The following MAML2 variants were observed in gnomAD, a reference collection of about 807,000 sequenced individuals.
MAML2 encodes the protein mastermind-like protein 2.
A neutral mutation model predicts 96.1 loss-of-function variants in MAML2; 22 were observed. That is an observed-to-expected ratio of 0.23 (90% CI 0.16 to 0.33). The LOEUF (loss-of-function observed/expected upper bound fraction) is 0.33. Ranked by LOEUF, MAML2 falls within the 10% of genes least tolerant of loss-of-function variation. MAML2 has a pLI of 1.00. For missense variants in MAML2, 1,367 were observed against 1,392.4 expected (o/e 0.98, Z 0.29); for synonymous variants, 561 against 521.3 (o/e 1.08, Z -1.04).
intron 1 of MAML2, among the ~76,000 whole-genome samples, chr11:96,267,004 A>C (rs1189090671): frequency 6.6e-6 from 1 of 152,212 alleles, no homozygotes; most frequent in Non-Finnish European, 1.5e-5. Context: ...TTTTTAAGAG[A>C]GTGAATGAAA....
intron 1 of MAML2, among the ~76,000 whole-genome samples, chr11:96,297,322 C>T (rs1345029330): frequency 6.6e-6 from 1 of 152,108 alleles, no homozygotes; most frequent in Non-Finnish European, 1.5e-5. Context: ...TGCCTATAAT[C>T]CCAGCACTTT....
chr11:96,088,496 G>A (rs1052207673), intron 2 of MAML2, among the ~76,000 whole-genome samples: 7 of 152,184 alleles, frequency 4.6e-5, no homozygotes, highest in African/African-American at 1.7e-4. Context: ...CTGACTTGAA[G>A]ATAAATCAGA....
chr11:96,078,328 T>C (rs1859476168), intron 2 of MAML2, among the ~76,000 whole-genome samples: 2 of 152,258 alleles, frequency 1.3e-5, no homozygotes, highest in South Asian at 2.1e-4. Context: ...GATAGTACAC[T>C]GTGTTATCAT....
intron 2 of MAML2, among the ~76,000 whole-genome samples, chr11:96,018,277 G>C (rs78512725): frequency 1.0e-3 from 159 of 152,290 alleles, no homozygotes; most frequent in African/African-American, 3.8e-3. Flanking sequence ...TGTCAAGTTT[G>C]AGATGCTTAT....
chr11:96,012,815 C>T (rs1378604894), intron 2 of MAML2, among the ~76,000 whole-genome samples: 1 of 152,182 alleles, frequency 6.6e-6, no homozygotes, highest in Non-Finnish European at 1.5e-5. Context: ...TGTCAAAGCA[C>T]CATGCTTTGA....
intron 2 of MAML2, among the ~76,000 whole-genome samples, chr11:96,047,835 C>G (rs1314817929): frequency 7.0e-6 from 1 of 143,170 alleles, no homozygotes; most frequent in Admixed American, 7.6e-5. Context: ...TCGTTTGAAC[C>G]CAGGAGGCGG....
intron 2 of MAML2, among the ~76,000 whole-genome samples, chr11:96,074,706 T>C (rs996021316): frequency 1.3e-5 from 2 of 152,236 alleles, no homozygotes; most frequent in Admixed American, 6.5e-5. Flanking sequence ...AACGTCATCA[T>C]ACAAAAAAGG....
intron 1 of MAML2, among the ~76,000 whole-genome samples, chr11:96,245,675 C>T (rs1270018888): frequency 6.7e-6 from 1 of 149,508 alleles, no homozygotes; most frequent in Non-Finnish European, 1.5e-5. Flanking sequence ...CAAGCTATTT[C>T]TATGTTCACC....
intron 2 of MAML2, among the ~76,000 whole-genome samples, chr11:96,013,963 A>C (rs1858304460): frequency 6.6e-6 from 1 of 152,208 alleles, no homozygotes; most frequent in Non-Finnish European, 1.5e-5. Context: ...AACACAAGCC[A>C]CCTATAGACA....
At chr11:96,229,451 T>A (rs1174352622) in intron 1 of MAML2, among the ~76,000 whole-genome samples, 1 of 150,648 alleles carries the variant, frequency 6.6e-6, no homozygotes, top group African/African-American at 2.5e-5. Flanking sequence ...GCCCTCTGAA[T>A]CTCCACTCTC....
rs934504678 is a variant in MAML2, at chr11:96,093,169, T to C, written c.862A>G (p.Ile288Val). The change falls in exon 2 of 5, where the codon ATT (isoleucine) becomes GTT (valine). Residue 288 changes from isoleucine to valine, a missense_variant. By Grantham distance (29) the Ile-to-Val change is conservative (BLOSUM62 3). Transcript: ENST00000524717. ...TCGTCTCCGTACCTATTAGGAAAAA[T>C]ATTCTCTTGGGTCATTTGGCCATCC... The part of the protein sequence containing the change: ...HMDGQMTQEN[I>V]FPNRYGDDPG... The C allele has an allele frequency of 6.2e-7, 1 of 1,613,870 alleles. No individual in the cohort carries two copies. Among genetic ancestry groups the C allele is most frequent in the African/African-American group, 1.3e-5 (1 of 74,904 alleles).
chr11:96,278,722 C>T (rs1020786741), intron 1 of MAML2, among the ~76,000 whole-genome samples: 17 of 152,188 alleles, frequency 1.1e-4, no homozygotes, highest in African/African-American at 4.1e-4. Context: ...CTTTACCTTT[C>T]TAGGGCTGCC....
At chr11:96,243,325 G>C (rs1030081366) in intron 1 of MAML2, among the ~76,000 whole-genome samples, 1 of 152,152 alleles carries the variant, frequency 6.6e-6, no homozygotes, top group African/African-American at 2.4e-5. Context: ...AGGAGGCGGG[G>C]GAGGCGGGGT....
At chr11:96,238,127 G>A (rs1862389339) in intron 1 of MAML2, among the ~76,000 whole-genome samples, 1 of 152,206 alleles carries the variant, frequency 6.6e-6, no homozygotes, top group South Asian at 2.1e-4. Flanking sequence ...CTCAGGACAA[G>A]CAATTAGTAC....
At chr11:96,025,442 T>C (rs925543962) in intron 2 of MAML2, among the ~76,000 whole-genome samples, 3 of 152,160 alleles carry the variant, frequency 2.0e-5, no homozygotes. Flanking sequence ...ACCTATTGGA[T>C]ACCATGCTCA....
chr11:96,091,532 T>C (rs1408375220), intron 2 of MAML2, among the ~76,000 whole-genome samples: 1 of 152,130 alleles, frequency 6.6e-6, no homozygotes, highest in Admixed American at 6.5e-5. Flanking sequence ...TTGCACATGG[T>C]AGGTACTCAG....
Position 96,073,189 on chromosome 11 carries a change from G to C in MAML2, c.2139+18703C>G, listed in dbSNP as rs148241933. Among the ~76,000 whole-genome samples, 7 of 152,142 alleles carry C rather than the reference G, an allele frequency of 4.6e-5. No homozygotes were observed. In the East Asian group the frequency reaches 1.2e-3, roughly 25 times the overall value. ...TGTGCTGTAAATCTTTTACTTGTGA[G>C]TTTTGTGCAAAATCACCAATTTAGC... On this transcript the variant is annotated intron_variant, in intron 2 of 4. Transcript: ENST00000524717.
intron 1 of MAML2, among the ~76,000 whole-genome samples, chr11:96,133,654 G>A (rs1860580398): frequency 6.6e-6 from 1 of 152,150 alleles, no homozygotes; most frequent in Non-Finnish European, 1.5e-5. Flanking sequence ...TGAGGAGTAT[G>A]AGAATACAAT....
chr11:96,303,757 G>A (rs1364538442), intron 1 of MAML2, among the ~76,000 whole-genome samples: 1 of 152,132 alleles, frequency 6.6e-6, no homozygotes, highest in Admixed American at 6.5e-5. Context: ...TGGGCAGCAG[G>A]TCAGGCATGC....
Sources: allele counts gnomAD v4.1 joint callset (sites outside exome capture counted in the v4.1 genomes callset), GRCh38; gene constraint gnomAD v4.1.1; transcripts MANE v1.5; gene names NCBI Gene and HGNC (gene_info 2026-07-23, HGNC 2026-07-21).